The following UGT1A9 variants were observed in gnomAD, a reference collection of about 807,000 sequenced individuals.
The protein encoded by UGT1A9 is UDP glucuronosyltransferase family 1 member A9.
In UGT1A9, 35 loss-of-function variants were observed where a neutral mutation model predicts 45.0. That is an observed-to-expected ratio of 0.78 (90% confidence interval 0.59 to 1.03). The LOEUF (loss-of-function observed/expected upper bound fraction) is 1.03, where lower values mean the gene tolerates loss of function less well. UGT1A9 is among the 50% of genes least tolerant of loss of function. The pLI is 0.00. For missense variants in UGT1A9, 687 were observed against 666.6 expected (o/e 1.03, Z -0.34); for synonymous variants, 278 against 250.6 (o/e 1.11, Z -1.03).
chr2:233,765,570 C>A (rs371639452), intron 1 of UGT1A9, among the ~76,000 whole-genome samples: 1 of 151,792 alleles, frequency 6.6e-6, no homozygotes, highest in Non-Finnish European at 1.5e-5. Flanking sequence ...AATGCGTAGA[C>A]GCAGGGAGGG....
chr2:233,713,254 A>T (rs1466031598), intron 1 of UGT1A9: 2 of 1,614,136 alleles, frequency 1.2e-6, no homozygotes, highest in Non-Finnish European at 1.7e-6. Flanking sequence ...ACCCAGGACG[A>T]ATTTGATCGC....
chr2:233,713,654 C>G (rs772649489), intron 1 of UGT1A9: 39 of 1,613,850 alleles, frequency 2.4e-5, no homozygotes, highest in African/African-American at 6.7e-5. Context: ...TGGCCCTGTC[C>G]TACCTTTGCC....
chr2:233,760,166 G>A (rs2125979528), intron 1 of UGT1A9: 1 of 1,522,128 alleles, frequency 6.6e-7, no homozygotes, highest in African/African-American at 1.4e-5. Context: ...TACCTTTGTG[G>A]ACTGACAGCT....
intron 2 of UGT1A9, 57 bp from the exon 3 acceptor site, chr2:233,767,792 T>G (rs1011366406): frequency 1.2e-6 from 2 of 1,613,950 alleles, no homozygotes; most frequent in African/African-American, 1.3e-5. Context: ...ATAGCAGATT[T>G]GTTTTCTAAT....
At chr2:233,754,376 G>C (rs1425062905) in intron 1 of UGT1A9, 2 of 288,414 alleles carry the variant, frequency 6.9e-6, no homozygotes, top group African/African-American at 2.2e-5. Context: ...ATGATCGAAA[G>C]ACAAACAGAG....
In UGT1A9 at chr2:233,743,247, C is replaced by T. The variant is rs569147758; in HGVS notation, c.856-23787C>T. The T allele has an allele frequency of 9.0e-4, 388 of 431,248 alleles. 10 individuals are homozygous for T. The highest frequency in any genetic ancestry group is 7.4e-3 in the African/African-American group (352 of 47,686). 26.7% of individuals were successfully genotyped at this position (431,248 alleles called of 1,614,324 possible). ...CTATTTATTATGAAGGACTTTAACTCAACTCTCCATCTTCCTCCACTTCCA... is the reference window on the plus strand; with the variant it reads ...CTATTTATTATGAAGGACTTTAACTTAACTCTCCATCTTCCTCCACTTCCA... On this transcript the variant is annotated intron_variant, in intron 1 of 4. Transcript: ENST00000354728.
At chr2:233,757,560 A>ATATATATATATATATATATG (rs904896556) in intron 1 of UGT1A9, among the ~76,000 whole-genome samples, 15 of 123,136 alleles carry the variant, frequency 1.2e-4, no homozygotes, top group African/African-American at 5.1e-4. Context: ...ATATATATAT[A>ATATATATATATATATATATG]TGTATATATG....
chr2:233,724,133 G>C (rs1298685512), intron 1 of UGT1A9, among the ~76,000 whole-genome samples: 1 of 34,684 alleles, frequency 2.9e-5, no homozygotes, highest in East Asian at 6.1e-4. Flanking sequence ...CTCACCTCCC[G>C]GACGGGGCGG....
intron 4 of UGT1A9, chr2:233,770,452 G>C (rs1050174931): frequency 6.6e-6 from 1 of 152,078 alleles, no homozygotes; most frequent in African/African-American, 2.4e-5. Context: ...TTAGGAGTTC[G>C]AAACCAACCT....
Position 233,772,346 on chromosome 2 carries a change from GT to G in UGT1A9, c.1383del (p.Phe461LeufsTer2), listed in dbSNP as rs773231664. The G allele has an allele frequency of 6.2e-7, 1 of 1,614,250 alleles. No individual in the cohort carries two copies. Among genetic ancestry groups the G allele is most frequent in the South Asian group, 1.1e-5 (1 of 91,090 alleles). ...PLDLAVFWVE[F>X]VMRHKGAPHL... ...TGGACCTGGCCGTGTTCTGGGTGGA[GT>G]TTGTGATGAGGCACAAGGGCGCGCC... On this transcript the variant is annotated frameshift_variant, in exon 5 of 5. Transcript: ENST00000354728. LOFTEE classifies it high-confidence loss of function.
At chr2:233,756,814 A>C (rs985210538) in intron 1 of UGT1A9, among the ~76,000 whole-genome samples, 2 of 152,110 alleles carry the variant, frequency 1.3e-5, no homozygotes, top group Admixed American at 6.5e-5. Flanking sequence ...AGGTCACTCA[A>C]TTCCAAGGGG....
At chr2:233,770,172 C>T (rs1423898703) in intron 4 of UGT1A9, 4 of 152,218 alleles carry the variant, frequency 2.6e-5, no homozygotes, top group African/African-American at 9.7e-5. Flanking sequence ...TCAATGAGCT[C>T]AACTTATTAA....
In UGT1A9 at chr2:233,754,989, C is replaced by G. The variant is rs749655557; in HGVS notation, c.856-12045C>G. On this transcript the variant is annotated intron_variant, in intron 1 of 4. Coordinates refer to ENST00000354728, the MANE Select transcript of UGT1A9 (RefSeq NM_021027.3). ...CTCCCTGAAGACCTCGGCGGGGTCACGGAAGCTGAAGACCTACTCGAAGGG... is the reference window on the plus strand; with the variant it reads ...CTCCCTGAAGACCTCGGCGGGGTCAGGGAAGCTGAAGACCTACTCGAAGGG... 2.3e-6 allele frequency: 3 copies of G among 1,296,678 alleles called. No individual in the cohort carries two copies. The South Asian group carries it at 3.5e-5, about 15-fold the overall frequency. The allele number at this position is 1,296,678 out of a possible 1,614,324, so 80.3% of individuals were successfully genotyped here. A position where few individuals can be genotyped will look rare whatever the true frequency, so the allele number is the denominator to read the frequency against.
chr2:233,739,615 T>G (rs1449918072), intron 1 of UGT1A9, among the ~76,000 whole-genome samples: 1 of 152,228 alleles, frequency 6.6e-6, no homozygotes, highest in Non-Finnish European at 1.5e-5. Context: ...TTGGCCAGTT[T>G]CTCCCATTTG....
At chr2:233,761,602 T>C (rs529551747) in intron 1 of UGT1A9, among the ~76,000 whole-genome samples, 4 of 152,366 alleles carry the variant, frequency 2.6e-5, no homozygotes, top group African/African-American at 9.6e-5. Flanking sequence ...AGCTCCAGTT[T>C]CTAAATATTC....
intron 1 of UGT1A9, among the ~76,000 whole-genome samples, chr2:233,679,830 A>G (rs887140374): frequency 6.6e-6 from 1 of 152,044 alleles, no homozygotes; most frequent in Non-Finnish European, 1.5e-5. Flanking sequence ...AATGACTTTA[A>G]TTTTTCTCAA....
At chr2:233,691,541 C>T in intron 1 of UGT1A9, 1 of 985,666 alleles carries the variant, frequency 1.0e-6, no homozygotes, top group Non-Finnish European at 1.2e-6. Flanking sequence ...CTGGGCAAGT[C>T]TGTTCTAGTA....
chr2:233,693,452 G>T, intron 1 of UGT1A9: 1 of 1,614,126 alleles, frequency 6.2e-7, no homozygotes, highest in Non-Finnish European at 8.5e-7. Flanking sequence ...TCTTTTCACA[G>T]ACCCAGCCTT....
rs72551340 is a variant in UGT1A9, at chr2:233,760,509, C to A, written c.856-6525C>A. 17 of 1,614,154 alleles carry A rather than the reference C, an allele frequency of 1.1e-5. No homozygotes were observed. Among genetic ancestry groups the A allele is most frequent in the Non-Finnish European group, 4.2e-6 (5 of 1,180,060 alleles). ...TGTACATCAGAGACGGAGCATTTTA[C>A]ACCTTGAAGACGTACCCTGTGCCAT... is the stretch of plus-strand genomic sequence containing the variant. On this transcript the variant is annotated intron_variant, in intron 1 of 4. Transcript: ENST00000354728.
Sources: allele counts gnomAD v4.1 joint callset (sites outside exome capture counted in the v4.1 genomes callset), GRCh38; gene constraint gnomAD v4.1.1; transcripts MANE v1.5; gene names NCBI Gene and HGNC (gene_info 2026-07-23, HGNC 2026-07-21).